The following AFF4 variants were observed in gnomAD, a reference collection of about 807,000 sequenced individuals.
The protein encoded by AFF4 is AF4/FMR2 family member 4.
Under a neutral mutation model 124.8 loss-of-function variants are expected in AFF4, and 13 were observed. That is an observed-to-expected ratio of 0.10 (90% CI 0.07 to 0.17). The LOEUF (loss-of-function observed/expected upper bound fraction) is 0.17. AFF4 is among the 10% of genes least tolerant of loss of function. The pLI, the probability that AFF4 is intolerant of heterozygous loss-of-function variation, is 1.00. For synonymous variants in AFF4, 477 were observed against 496.1 expected, an observed-to-expected ratio of 0.96 and a Z score of 0.51; for missense variants, 1,092 against 1,403.8, an observed-to-expected ratio of 0.78 and a Z score of 3.55.
chr5:132,946,746 C>T (rs1321783666), intron 1 of AFF4, among the ~76,000 whole-genome samples: 1 of 152,024 alleles, frequency 6.6e-6, no homozygotes, highest in Non-Finnish European at 1.5e-5. Context: ...TACTTAATGC[C>T]ACTGAATTGT....
intron 3 of AFF4, among the ~76,000 whole-genome samples, chr5:132,933,940 C>A (rs952085759): frequency 1.3e-5 from 2 of 152,174 alleles, no homozygotes; most frequent in Admixed American, 1.3e-4. Flanking sequence ...ATGACATTTT[C>A]TCCATTTCCC....
intron 5 of AFF4, among the ~76,000 whole-genome samples, chr5:132,909,885 G>A (rs1391183245): frequency 6.6e-6 from 1 of 152,220 alleles, no homozygotes; most frequent in Non-Finnish European, 1.5e-5. Context: ...GGAAGGTAAA[G>A]AGGGAAGGAG....
chr5:132,932,857 A>C (rs1761331979), intron 3 of AFF4, among the ~76,000 whole-genome samples: 1 of 152,246 alleles, frequency 6.6e-6, no homozygotes. Flanking sequence ...GTCAAACTCT[A>C]AAGATCATGT....
At chr5:132,887,046 A>G (rs901517578) in intron 17 of AFF4, among the ~76,000 whole-genome samples, 1 of 152,220 alleles carries the variant, frequency 6.6e-6, no homozygotes, top group Non-Finnish European at 1.5e-5. Flanking sequence ...TCCATGATGA[A>G]TAGGGCTGTG....
chr5:132,960,993 G>T (rs60363279), intron 1 of AFF4, among the ~76,000 whole-genome samples: 30,987 of 151,968 alleles, frequency 0.2, 3,430 homozygotes, highest in African/African-American at 0.28. Context: ...GGAGGCCGAG[G>T]CGTGTGGATC....
intron 13 of AFF4, among the ~76,000 whole-genome samples, chr5:132,890,737 G>T (rs1258584611): frequency 6.6e-6 from 1 of 152,068 alleles, no homozygotes; most frequent in Admixed American, 6.6e-5. Context: ...AAATCAAAGT[G>T]GTAAGGCCCT....
intron 5 of AFF4, among the ~76,000 whole-genome samples, chr5:132,923,585 T>G (rs1288238096): frequency 1.3e-5 from 2 of 151,848 alleles, no homozygotes; most frequent in Admixed American, 1.3e-4. Flanking sequence ...AAGTCTGGCA[T>G]GGTGGTAAGC....
chr5:132,903,430 CTTAA>C (rs1760600114), intron 6 of AFF4, among the ~76,000 whole-genome samples: 2 of 152,098 alleles, frequency 1.3e-5, no homozygotes, highest in South Asian at 2.1e-4. Context: ...ACAAATCTAC[CTTAA>C]TTAAGAAGTT....
In AFF4 at chr5:132,932,205, A is replaced by C. The variant is rs1439407958; in HGVS notation, c.936T>G (p.Asp312Glu). ...SQPLDASASGDVSCVDEILKE... is the reference protein window; with the variant it reads ...SQPLDASASGEVSCVDEILKE... Reference sequence around the variant, plus strand: ...TTAGGATTTCATCCACACAGCTCACATCACCAGAAGCTGATGCCTTGAAAG... The same window carrying C: ...TTAGGATTTCATCCACACAGCTCACCTCACCAGAAGCTGATGCCTTGAAAG... Residue 312 changes from aspartate to glutamate, a missense_variant, in exon 4 of 21, where the codon GAT (aspartate) becomes GAG (glutamate). By Grantham distance (45) the Asp-to-Glu change is conservative. Around this residue, in one of 11 missense-constraint regions of AFF4, gnomAD observed 148 missense variants for 196.3 expected, o/e 0.75. Transcript: ENST00000265343. 1 of 1,607,474 alleles carries C rather than the reference A, an allele frequency of 6.2e-7. No individual in the cohort carries two copies. The highest frequency in any genetic ancestry group is 8.5e-7 in the Non-Finnish European group (1 of 1,177,620).
At chr5:132,896,216 T>C in intron 11 of AFF4, 107 bp downstream of exon 11, 1 of 1,361,874 alleles carries the variant, frequency 7.3e-7, no homozygotes, top group Non-Finnish European at 9.9e-7. Flanking sequence ...ACCCACTATT[T>C]TCCTTCACAG....
chr5:132,959,586 C>A (rs10061901), intron 1 of AFF4, among the ~76,000 whole-genome samples: 31,329 of 151,772 alleles, frequency 0.21, 3,525 homozygotes, highest in African/African-American at 0.29. Context: ...TTAAAACTTT[C>A]AAGATATGAT....
chr5:132,939,593 C>A (rs75771882), intron 1 of AFF4, among the ~76,000 whole-genome samples: 2 of 152,186 alleles, frequency 1.3e-5, no homozygotes, highest in Non-Finnish European at 2.9e-5. Context: ...AAATTTAAAT[C>A]CTGAAAGATC....
chr5:132,876,417 G>C lies in AFF4; in HGVS notation c.*4642C>G. On this transcript the variant is annotated 3_prime_UTR_variant, in exon 21 of 21. Transcript: ENST00000265343. The stretch of plus-strand genomic sequence containing the variant: ...AATTCCAATGGTTAAAAGCTGAAAA[G>C]AAGTCCCACATGGAAGCAGTAAGAG... The C allele has an allele frequency of 4.4e-6, 1 of 225,516 alleles. No homozygotes were observed. The highest frequency in any genetic ancestry group is 8.8e-6 in the Non-Finnish European group (1 of 113,104). 14.0% of individuals were successfully genotyped at this position (225,516 alleles called of 1,614,324 possible).
chr5:132,927,483 A>G, intron 4 of AFF4: 1 of 327,788 alleles, frequency 3.1e-6, no homozygotes, highest in Non-Finnish European at 5.6e-6. Context: ...AATACAAGGC[A>G]CATAATAAAA....
At chr5:132,927,037 G>T in intron 5 of AFF4, 84 bp downstream of exon 5, 1 of 1,177,664 alleles carries the variant, frequency 8.5e-7, no homozygotes, top group Non-Finnish European at 1.2e-6. Flanking sequence ...AATAGGAATG[G>T]CAAGACAATT....
chr5:132,881,391 C>A (rs972144322), intron 20 of AFF4, among the ~76,000 whole-genome samples: 2 of 152,124 alleles, frequency 1.3e-5, no homozygotes, highest in African/African-American at 4.8e-5. Flanking sequence ...ACATTTTAAA[C>A]AGAATGTATG....
intron 3 of AFF4, 42 bp from the exon 4 acceptor site, chr5:132,932,264 A>C (rs1761318798): frequency 6.5e-7 from 1 of 1,532,616 alleles, no homozygotes; most frequent in African/African-American, 1.4e-5. Flanking sequence ...TTATCAGTAG[A>C]TTTTTAGTAT....
intron 1 of AFF4, among the ~76,000 whole-genome samples, chr5:132,954,471 C>T (rs999139183): frequency 4.6e-5 from 7 of 151,794 alleles, no homozygotes; most frequent in Non-Finnish European, 8.8e-5. Context: ...AACCCCATAC[C>T]GGCTCATGGC....
At chr5:132,927,036 G>A in intron 5 of AFF4, 85 bp downstream of exon 5, 1 of 1,155,036 alleles carries the variant, frequency 8.7e-7, no homozygotes, top group South Asian at 1.4e-5. Flanking sequence ...GAATAGGAAT[G>A]GCAAGACAAT....
Sources: gnomAD v4.1 joint callset for allele counts (sites outside exome capture counted in the v4.1 genomes callset) on GRCh38, gnomAD v4.1.1 for gene constraint, gnomAD v4.1.1 regional missense constraint, MANE v1.5 for transcripts, NCBI Gene and HGNC (gene_info 2026-07-23, HGNC 2026-07-21) for gene names.